SULT2B1: variants seen among roughly 807,000 people sequenced by gnomAD.
The protein encoded by SULT2B1 is sulfotransferase 2B1.
In SULT2B1, 16 loss-of-function variants were observed where a neutral mutation model predicts 33.2. That is an observed-to-expected ratio of 0.48 (90% CI 0.33 to 0.73). The LOEUF (loss-of-function observed/expected upper bound fraction) is 0.73, where lower values mean the gene tolerates loss of function less well. Ranked by LOEUF, SULT2B1 falls within the 30% of genes least tolerant of loss-of-function variation. SULT2B1 has a pLI of 0.02. For synonymous variants in SULT2B1, 186 were observed against 200.5 expected, an observed-to-expected ratio of 0.93 and a Z score of 0.61; for missense variants, 500 against 506.0, an observed-to-expected ratio of 0.99 and a Z score of 0.11.
At position 48,599,347 on chromosome 19, in the gene SULT2B1, TCCAGCC is replaced by T. The variant is rs16989366; in HGVS notation, c.1054_1059del (p.Ser352_Pro353del). ...CCTGGAGCGTGAGCCCAGACCCAAC[TCCAGCC>T]CCAGCCCCAGCCCCGGCCAGGCCTC... On this transcript the variant is annotated inframe_deletion, in exon 7 of 7. Coordinates refer to ENST00000201586, the MANE Select transcript of SULT2B1 (RefSeq NM_177973.2). This position sits in a 1 kb window ranked among gnomAD's most constrained non-coding sequence, Gnocchi z 4.1. 1.2e-3 allele frequency: 1,934 copies of T among 1,584,126 alleles called. 2 individuals carry two copies. The highest frequency in any genetic ancestry group is 1.5e-3 in the Non-Finnish European group (1,785 of 1,165,216).
At chr19:48,557,600 A>C (rs564110400) in intron 1 of SULT2B1, among the ~76,000 whole-genome samples, 1 of 151,674 alleles carries the variant, frequency 6.6e-6, no homozygotes, top group Non-Finnish European at 1.5e-5. Flanking sequence ...AAAAGGACTT[A>C]AAAGGATAAT....
intron 1 of SULT2B1, among the ~76,000 whole-genome samples, chr19:48,555,966 C>A (rs1973094999): frequency 6.6e-6 from 1 of 152,276 alleles, no homozygotes. Flanking sequence ...TCTTGAACTC[C>A]TGACCTCAGG....
At chr19:48,584,540 GCA>G (rs1973538334) in intron 2 of SULT2B1, among the ~76,000 whole-genome samples, 2 of 152,190 alleles carry the variant, frequency 1.3e-5, no homozygotes, top group Non-Finnish European at 2.9e-5. Flanking sequence ...CACAAAAACG[GCA>G]GAGAGGCATG....
At chr19:48,561,363 A>G (rs1459050118) in intron 1 of SULT2B1, among the ~76,000 whole-genome samples, 1 of 151,782 alleles carries the variant, frequency 6.6e-6, no homozygotes, top group African/African-American at 2.4e-5. Context: ...CGGGAGGCAG[A>G]GGTTGCAGTG....
In SULT2B1 at chr19:48,599,329, C is replaced by G; in HGVS notation, c.1021C>G (p.Arg341Gly). ...CCTTGAGCCCAACACCAGCCTGGAG[C>G]GTGAGCCCAGACCCAACTCCAGCCC... ...PSLEPNTSLE[R>G]EPRPNSSPSP... Residue 341 changes from arginine to glycine, a missense_variant, in exon 7 of 7, where the codon CGT becomes GGT. By Grantham distance (125) the Arg-to-Gly change is moderately radical. Transcript: ENST00000201586. This position sits in a 1 kb window ranked among gnomAD's most constrained non-coding sequence, Gnocchi z 4.1. 1.3e-6 allele frequency: 2 copies of G among 1,599,434 alleles called. No homozygotes were observed. The highest frequency in any genetic ancestry group is 1.7e-6 in the Non-Finnish European group (2 of 1,172,542).
At chr19:48,578,927 C>G (rs1013957122) in intron 2 of SULT2B1, among the ~76,000 whole-genome samples, 3 of 151,938 alleles carry the variant, frequency 2.0e-5, no homozygotes, top group African/African-American at 7.2e-5. Context: ...CATCATCCAA[C>G]AAGAAACTCT....
At chr19:48,597,821 T>C (rs973471435) in intron 6 of SULT2B1, among the ~76,000 whole-genome samples, 1 of 151,076 alleles carries the variant, frequency 6.6e-6, no homozygotes, top group African/African-American at 2.4e-5. Flanking sequence ...TTTTTTGTAT[T>C]TCTAGTAGAG....
At chr19:48,573,670 CA>C (rs2147609603) in intron 1 of SULT2B1, among the ~76,000 whole-genome samples, 1 of 152,076 alleles carries the variant, frequency 6.6e-6, no homozygotes, top group Non-Finnish European at 1.5e-5. Context: ...CTGTGGCGTT[CA>C]TGGGGAAGGA....
At chr19:48,572,827 G>C (rs139202575) in intron 1 of SULT2B1, among the ~76,000 whole-genome samples, 159 of 152,118 alleles carry the variant, frequency 1.0e-3, no homozygotes, top group African/African-American at 3.7e-3. Context: ...GTCCATGGAG[G>C]AGGGAGGCAG....
intron 1 of SULT2B1, among the ~76,000 whole-genome samples, chr19:48,572,787 C>T (rs575916749): frequency 6.6e-6 from 1 of 151,870 alleles, no homozygotes; most frequent in Non-Finnish European, 1.5e-5. Context: ...GGCAGGAATG[C>T]AGGGACAGAG....
chr19:48,597,136 G>A (rs555511158), intron 6 of SULT2B1, among the ~76,000 whole-genome samples: 34 of 152,030 alleles, frequency 2.2e-4, no homozygotes, highest in South Asian at 6.2e-4. Context: ...AACTCCCAAC[G>A]ACAGCAAAAC....
At chr19:48,591,538 A>C in intron 3 of SULT2B1, 71 bp from the exon 4 acceptor site, 1 of 1,527,154 alleles carries the variant, frequency 6.5e-7, no homozygotes, top group East Asian at 2.3e-5. Flanking sequence ...TCTCCAGGGC[A>C]GGAGGCCTCA....
intron 5 of SULT2B1, among the ~76,000 whole-genome samples, chr19:48,594,901 CCCA>C (rs1047056233): frequency 2.0e-5 from 1 of 50,884 alleles, no homozygotes; most frequent in Non-Finnish European, 5.9e-5. Context: ...TGCCTATAAT[CCCA>C]GCAGCTACTT....
intron 1 of SULT2B1, among the ~76,000 whole-genome samples, chr19:48,560,968 T>TA (rs1476483979): frequency 3.5e-5 from 5 of 144,490 alleles, no homozygotes; most frequent in Admixed American, 1.4e-4. Context: ...GTCTCAAAAA[T>TA]AAAAAAAATA....
At chr19:48,569,483 G>T (rs2147605921) in intron 1 of SULT2B1, among the ~76,000 whole-genome samples, 1 of 150,096 alleles carries the variant, frequency 6.7e-6, no homozygotes, top group East Asian at 2.0e-4. Flanking sequence ...ACTTTAGGAG[G>T]CTGAGGTGGG....
Position 48,574,391 on chromosome 19 carries a change from T to C in SULT2B1, c.72-1550T>C, listed in dbSNP as rs1327370383. Among the ~76,000 whole-genome samples the C allele has an allele frequency of 2.0e-5, 3 of 152,150 alleles. No homozygotes were observed. The East Asian group carries it at 5.8e-4, about 29-fold the overall frequency. ...GGGGGAGGGACCCCCGATTTGGAGA[T>C]TGTAGGTGCCAAGAGGAACGGGCAA... On this transcript the variant is annotated intron_variant, in intron 1 of 6. Coordinates refer to ENST00000201586, the MANE Select transcript of SULT2B1 (RefSeq NM_177973.2).
chr19:48,584,373 T>A (rs78378181), intron 2 of SULT2B1, among the ~76,000 whole-genome samples: 1 of 152,292 alleles, frequency 6.6e-6, no homozygotes, highest in East Asian at 1.9e-4. Flanking sequence ...AGTGCAGGGC[T>A]GGCCCCTGTC....
intron 1 of SULT2B1, among the ~76,000 whole-genome samples, chr19:48,556,310 G>T (rs1973099851): frequency 6.6e-6 from 1 of 152,186 alleles, no homozygotes. Context: ...CCTGTTCGTG[G>T]ATAGGAAATG....
intron 1 of SULT2B1, among the ~76,000 whole-genome samples, chr19:48,559,722 C>T (rs75116578): frequency 0.14 from 20,981 of 151,810 alleles, 1,933 homozygotes; most frequent in East Asian, 0.37. Context: ...TCGCCTTGCC[C>T]GGAGGCCTGG....
Sources: allele counts gnomAD v4.1 joint callset (sites outside exome capture counted in the v4.1 genomes callset), GRCh38; gene constraint gnomAD v4.1.1; non-coding constraint Gnocchi (gnomAD v3.1); transcripts MANE v1.5; gene names NCBI Gene and HGNC (gene_info 2026-07-23, HGNC 2026-07-21).